The following MYBL2 variants were observed in gnomAD, a reference collection of about 807,000 sequenced individuals.
MYBL2 encodes the protein myb-related protein B.
A neutral mutation model predicts 79.9 loss-of-function variants in MYBL2; 28 were observed. That is an observed-to-expected ratio of 0.35 (90% CI 0.26 to 0.48). MYBL2 has a LOEUF of 0.48. MYBL2 is among the 20% of genes least tolerant of loss of function. The probability of loss-of-function intolerance (pLI) is 0.99; values close to 1 mark genes in which losing one functional copy is unlikely to be tolerated. For synonymous variants in MYBL2, 378 were observed against 361.2 expected, an observed-to-expected ratio of 1.05 and a Z score of -0.53; for missense variants, 735 against 893.9, an observed-to-expected ratio of 0.82 and a Z score of 2.27.
chr20:43,674,093 G>A (rs546097677), intron 2 of MYBL2, among the ~76,000 whole-genome samples, 194 bp downstream of exon 2: 20 of 152,144 alleles, frequency 1.3e-4, no homozygotes, highest in African/African-American at 4.6e-4. Context: ...GACTCAGTGG[G>A]TGGGAAGGGG....
At chr20:43,687,742 A>G (rs534772522) in intron 5 of MYBL2, among the ~76,000 whole-genome samples, 1 of 152,234 alleles carries the variant, frequency 6.6e-6, no homozygotes, top group South Asian at 2.1e-4. Flanking sequence ...ATGGACGGGC[A>G]TGGTGGCTCA....
rs200892855 is a variant in MYBL2 at position 43,705,205 on chromosome 20, C to G, written c.1366-14C>G. On this transcript the variant is annotated splice_polypyrimidine_tract_variant and intron_variant, in intron 8 of 13. Transcript: ENST00000217026. ...GTCATCATTTTGTCTTGTTCCCTCT[C>G]TCTTCTTTGGCAGTTTCTGAACTTC... The G allele has an allele frequency of 3.4e-4, 549 of 1,613,158 alleles. No individual in the cohort carries two copies. Among genetic ancestry groups the G allele is most frequent in the Non-Finnish European group, 4.3e-4 (512 of 1,179,548 alleles).
At chr20:43,675,944 G>C (rs1301647608) in intron 2 of MYBL2, among the ~76,000 whole-genome samples, 1 of 148,010 alleles carries the variant, frequency 6.8e-6, no homozygotes, top group Non-Finnish European at 1.5e-5. Context: ...TCTCTCTGTT[G>C]CCCAGGCTGT....
chr20:43,709,737 C>G (rs1293429172), intron 9 of MYBL2, among the ~76,000 whole-genome samples: 2 of 152,214 alleles, frequency 1.3e-5, no homozygotes, highest in African/African-American at 2.4e-5. Context: ...GAGCAGCATT[C>G]TCGGCTATCT....
In MYBL2 at chr20:43,699,920, G is replaced by T; in HGVS notation, c.827G>T (p.Arg276Leu). The change falls in exon 7 of 14, where the codon CGT becomes CTT. Residue 276 changes from arginine to leucine, a missense_variant. Physicochemically the swap from Arg to Leu is moderately radical, Grantham distance 102. Coordinates refer to ENST00000217026, the MANE Select transcript of MYBL2 (RefSeq NM_002466.4). Reference protein sequence around the residue: ...TPEPLEEFPKREDQEGSPPET... With the variant: ...TPEPLEEFPKLEDQEGSPPET... ...GAGCCCTTGGAGGAATTCCCGAAGC[G>T]TGAGGACCAGGAAGGCTCCCCACCA... The T allele has an allele frequency of 6.2e-7, 1 of 1,614,120 alleles. No homozygotes were observed. The highest frequency in any genetic ancestry group is 1.1e-5 in the South Asian group (1 of 91,080).
chr20:43,699,985 A>G lies in MYBL2; in HGVS notation c.892A>G (p.Asn298Asp). 1 of 1,614,132 alleles carries G rather than the reference A, an allele frequency of 6.2e-7. No homozygotes were observed. The highest frequency in any genetic ancestry group is 8.5e-7 in the Non-Finnish European group (1 of 1,180,026). Reference protein sequence around the residue: ...LPYKWVVEAANLLIPAVGSSL... With the variant: ...LPYKWVVEAADLLIPAVGSSL... Reference sequence around the variant, plus strand: ...TTACAAGTGGGTGGTGGAGGCAGCTAACCTCCTCATCCCTGCTGTGGGTTC... The same window carrying G: ...TTACAAGTGGGTGGTGGAGGCAGCTGACCTCCTCATCCCTGCTGTGGGTTC... The change falls in exon 7 of 14, where the codon AAC becomes GAC. Residue 298 changes from asparagine (N) to aspartate (D), a missense_variant. Physicochemically the swap from Asn to Asp is conservative, Grantham distance 23. Around this residue, in one of 5 missense-constraint regions of MYBL2, gnomAD observed 243 missense variants for 327.2 expected, o/e 0.74. Transcript: ENST00000217026.
Position 43,715,190 on chromosome 20 carries a change from C to T in MYBL2, c.1881C>T (p.Asp627=). The T allele has an allele frequency of 1.9e-6, 3 of 1,614,250 alleles. No individual in the cohort carries two copies. Among genetic ancestry groups the T allele is most frequent in the Non-Finnish European group, 2.5e-6 (3 of 1,180,046 alleles). ...SSLTLSGIKE[D]NSLLNQGFLQ... is the part of the protein sequence containing the mutation. ...TCACCCTGTCAGGTATCAAAGAAGA[C>T]AACAGCTTGCTCAACCAGGGCTTCT... is the stretch of plus-strand genomic sequence containing the variant. The change falls in exon 13 of 14, where the codon GAC becomes GAT. Residue 627 remains aspartate (D), a synonymous_variant. Transcript: ENST00000217026.
Position 43,676,440 on chromosome 20 carries a change from AATC to A in MYBL2, c.114+2544_114+2546del, listed in dbSNP as rs1183724536. Reference sequence around the variant, plus strand: ...CTGTTCTTGAATCTTCTATAAATGAAATCATACGGTTACATTCTTTGCGTCTGG... The same window carrying A: ...CTGTTCTTGAATCTTCTATAAATGAAATACGGTTACATTCTTTGCGTCTGG... On this transcript the variant is annotated intron_variant, in intron 2 of 13. Transcript: ENST00000217026. 1.2e-4 allele frequency among the ~76,000 whole-genome samples: 19 copies of A among 152,208 alleles called. 1 individual carries two copies. Among genetic ancestry groups the A allele is most frequent in the African/African-American group, 4.6e-4 (19 of 41,444 alleles).
Position 43,686,844 on chromosome 20 carries a change from T to A in MYBL2, c.280-8T>A, listed in dbSNP as rs767503307. ...GTGCAAGTGGCTACCCAGAGACTTTTCTCTAAGGTCATCGAGCTGGTTAAG... is the reference window on the plus strand; with the variant it reads ...GTGCAAGTGGCTACCCAGAGACTTTACTCTAAGGTCATCGAGCTGGTTAAG... On this transcript the variant is annotated splice_polypyrimidine_tract_variant and splice_region_variant and intron_variant, in intron 4 of 13. Coordinates refer to ENST00000217026, the MANE Select transcript of MYBL2 (RefSeq NM_002466.4). 11 of 1,613,712 alleles carry A rather than the reference T, an allele frequency of 6.8e-6. No homozygotes were observed. The Admixed American group carries it at 1.8e-4, about 27-fold the overall frequency.
intron 10 of MYBL2, among the ~76,000 whole-genome samples, chr20:43,711,053 C>G (rs149293273): frequency 1.3e-5 from 2 of 152,170 alleles, no homozygotes; most frequent in African/African-American, 4.8e-5. Flanking sequence ...GTCCTTGGAA[C>G]CCCGAGGCCT....
chr20:43,709,876 C>T (rs1389911082), intron 9 of MYBL2, 87 bp from the exon 10 acceptor site: 2 of 1,107,578 alleles, frequency 1.8e-6, no homozygotes, highest in Non-Finnish European at 2.6e-6. Context: ...CCAAAGGTCG[C>T]ACTGGGGGAA....
At chr20:43,681,925 CTT>C (rs758979169) in intron 3 of MYBL2, 70 bp downstream of exon 3, 23 of 1,543,882 alleles carry the variant, frequency 1.5e-5, no homozygotes, top group Non-Finnish European at 2.0e-5. Flanking sequence ...CTGGGACAGA[CTT>C]TGCCAAGGAG....
Position 43,687,025 on chromosome 20 carries a change from G to C in MYBL2, c.453G>C (p.Lys151Asn). The C allele has an allele frequency of 6.2e-7, 1 of 1,613,832 alleles. No individual in the cohort carries two copies. Among genetic ancestry groups the C allele is most frequent in the Non-Finnish European group, 8.5e-7 (1 of 1,180,044 alleles). The change falls in exon 5 of 14, where the codon AAG becomes AAC. Residue 151 changes from lysine to asparagine, a missense_variant. Coordinates refer to ENST00000217026, the MANE Select transcript of MYBL2 (RefSeq NM_002466.4). ...EEDRIICEAH[K>N]VLGNRWAEIA... ...ACCGCATCATCTGCGAGGCCCACAAGGTGCTGGGCAACCGCTGGGCCGAGA... is the reference window on the plus strand; with the variant it reads ...ACCGCATCATCTGCGAGGCCCACAACGTGCTGGGCAACCGCTGGGCCGAGA...
chr20:43,707,057 G>A (rs1294249491), intron 9 of MYBL2, among the ~76,000 whole-genome samples: 1 of 151,648 alleles, frequency 6.6e-6, no homozygotes, highest in Non-Finnish European at 1.5e-5. Context: ...GTGTGTGCCT[G>A]TAGTCCCAGC....
In MYBL2 at chr20:43,681,668, A is replaced by G. The variant is rs1987145811; in HGVS notation, c.115-116A>G. The G allele has an allele frequency of 6.6e-6, 7 of 1,055,132 alleles. No individual in the cohort carries two copies. In the South Asian group the frequency reaches 9.2e-5, roughly 14 times the overall value. The allele number at this position is 1,055,132 out of a possible 1,614,324, so 65.4% of individuals were successfully genotyped here. A position where few individuals can be genotyped will look rare whatever the true frequency, so the allele number is the denominator to read the frequency against. On this transcript the variant is annotated intron_variant, in intron 2 of 13. Coordinates refer to ENST00000217026, the MANE Select transcript of MYBL2 (RefSeq NM_002466.4). ...AGTGCCTGGCACCTTGTACGTATTC[A>G]CTTCATGACGGAATGGATGAACGAG...
intron 4 of MYBL2, among the ~76,000 whole-genome samples, chr20:43,683,474 C>T (rs776120728): frequency 3.3e-5 from 5 of 151,514 alleles, no homozygotes; most frequent in Non-Finnish European, 5.9e-5. Flanking sequence ...CTCTTCTCCT[C>T]GATACCAGCC....
chr20:43,668,448 A>C (rs1986776893), intron 1 of MYBL2, among the ~76,000 whole-genome samples: 1 of 151,418 alleles, frequency 6.6e-6, no homozygotes, highest in Non-Finnish European at 1.5e-5. Flanking sequence ...GTTCCGCCCG[A>C]CTCGGCCTCC....
chr20:43,688,024 A>AT (rs1461438479), intron 5 of MYBL2, among the ~76,000 whole-genome samples: 7 of 150,790 alleles, frequency 4.6e-5, no homozygotes, highest in Non-Finnish European at 1.5e-5. Context: ...AAAAAAAAAA[A>AT]AAATTTTTTT....
chr20:43,691,062 C>T (rs547209533), intron 5 of MYBL2, among the ~76,000 whole-genome samples: 14 of 152,340 alleles, frequency 9.2e-5, no homozygotes, highest in East Asian at 1.9e-4. Flanking sequence ...TGGAGTATGA[C>T]GTAGTCTTCT....
Sources: gnomAD v4.1 joint callset for allele counts (sites outside exome capture counted in the v4.1 genomes callset) on GRCh38, gnomAD v4.1.1 for gene constraint, gnomAD v4.1.1 regional missense constraint, MANE v1.5 for transcripts, NCBI Gene and HGNC (gene_info 2026-07-23, HGNC 2026-07-21) for gene names.